PLA2G12B: variants seen among roughly 807,000 people sequenced by gnomAD.
The protein encoded by PLA2G12B is phospholipase A2 group XIIB.
Under a neutral mutation model 22.3 loss-of-function variants are expected in PLA2G12B, and 19 were observed. That is an observed-to-expected ratio of 0.85 (90% CI 0.60 to 1.25). The LOEUF (loss-of-function observed/expected upper bound fraction) is 1.25, where lower values mean the gene tolerates loss of function less well. Among genes scored for constraint, PLA2G12B ranks in the 50% most tolerant of loss-of-function variants. The pLI, the probability that PLA2G12B is intolerant of heterozygous loss-of-function variation, is 0.00. For missense variants in PLA2G12B, 191 were observed against 246.6 expected (o/e 0.77, Z 1.51); for synonymous variants, 81 against 94.9 (o/e 0.85, Z 0.85).
Position 72,954,701 on chromosome 10 carries a change from G to C in PLA2G12B, c.-16C>G. On this transcript the variant is annotated 5_prime_UTR_variant, in exon 1 of 4. Coordinates refer to ENST00000373032, the MANE Select transcript of PLA2G12B (RefSeq NM_032562.5). Reference sequence around the variant, plus strand: ...CCAGCTTCATCCTGCAGCCAGGTAGGTACTGGCTTCTCTCCTCAAACCCCA... The same window carrying C: ...CCAGCTTCATCCTGCAGCCAGGTAGCTACTGGCTTCTCTCCTCAAACCCCA... The C allele has an allele frequency of 6.2e-7, 1 of 1,612,906 alleles. No homozygotes were observed. The highest frequency in any genetic ancestry group is 1.1e-5 in the South Asian group (1 of 91,068).
At chr10:72,951,972 C>A (rs1846538667) in intron 1 of PLA2G12B, among the ~76,000 whole-genome samples, 1 of 152,162 alleles carries the variant, frequency 6.6e-6, no homozygotes, top group Admixed American at 6.6e-5. Flanking sequence ...CATAATTTAA[C>A]CTGTGGGCTG....
chr10:72,939,306 T>G (rs1419702741), intron 3 of PLA2G12B, among the ~76,000 whole-genome samples: 1 of 152,228 alleles, frequency 6.6e-6, no homozygotes, highest in Non-Finnish European at 1.5e-5. Context: ...CAGAAAGGAA[T>G]GGGCCATCAA....
rs189245347 is a variant in PLA2G12B, at chr10:72,943,421, C to T, written c.212-681G>A. ...AAGCAGAACACAACTTGATCGTACACTTAAGGAATCCGAATTGTAGCAGCA... is the reference window on the plus strand; with the variant it reads ...AAGCAGAACACAACTTGATCGTACATTTAAGGAATCCGAATTGTAGCAGCA... On this transcript the variant is annotated intron_variant, in intron 1 of 3. Transcript: ENST00000373032. Among the ~76,000 whole-genome samples, 313 of 152,292 alleles carry T rather than the reference C, an allele frequency of 2.1e-3. 1 individual carries two copies. Among genetic ancestry groups the T allele is most frequent in the East Asian group, 3.7e-3 (19 of 5,178 alleles).
At chr10:72,936,340 G>A (rs1288694085) in intron 3 of PLA2G12B, among the ~76,000 whole-genome samples, 1 of 152,140 alleles carries the variant, frequency 6.6e-6, no homozygotes, top group Non-Finnish European at 1.5e-5. Flanking sequence ...CACAGAAAGG[G>A]TCTCTATCCC....
rs1313431583 is a variant in PLA2G12B, at chr10:72,935,553, A to C, written c.*64T>G. 16 of 1,597,736 alleles carry C rather than the reference A, an allele frequency of 1.0e-5. No individual in the cohort carries two copies. Among genetic ancestry groups the C allele is most frequent in the Non-Finnish European group, 1.4e-5 (16 of 1,170,712 alleles). ...ACGAATGAGTCACGCTGACTCGAAG[A>C]CTTGACATCTTGAAGGCTGACAGCT... On this transcript the variant is annotated 3_prime_UTR_variant, in exon 4 of 4. Coordinates refer to ENST00000373032, the MANE Select transcript of PLA2G12B (RefSeq NM_032562.5).
At position 72,944,560 on chromosome 10, in the gene PLA2G12B, C is replaced by T. The variant is rs186716854; in HGVS notation, c.212-1820G>A. 2.0e-5 allele frequency among the ~76,000 whole-genome samples: 3 copies of T among 152,192 alleles called. No homozygotes were observed. In the East Asian group the frequency reaches 5.8e-4, roughly 29 times the overall value. On this transcript the variant is annotated intron_variant, in intron 1 of 3. Transcript: ENST00000373032. ...GCCTTTCTTAGGATACTCAGTCTTC[C>T]CAAATATGGACACGGTATAGTTCTC...
At chr10:72,940,938 G>A (rs749289768) in intron 3 of PLA2G12B, among the ~76,000 whole-genome samples, 66 of 152,294 alleles carry the variant, frequency 4.3e-4, no homozygotes, top group Admixed American at 1.4e-3. Context: ...CTTTGGTGTA[G>A]TCTTTTACCT....
chr10:72,944,535 G>A (rs1248433051), intron 1 of PLA2G12B, among the ~76,000 whole-genome samples: 1 of 152,128 alleles, frequency 6.6e-6, no homozygotes, highest in Non-Finnish European at 1.5e-5. Flanking sequence ...GGAGACAACT[G>A]CCTTTCTTAG....
At chr10:72,949,747 CA>C (rs1232864948) in intron 1 of PLA2G12B, among the ~76,000 whole-genome samples, 1 of 152,102 alleles carries the variant, frequency 6.6e-6, no homozygotes, top group Non-Finnish European at 1.5e-5. Context: ...GGAGGCCCAG[CA>C]GGGGGATCAC....
intron 1 of PLA2G12B, among the ~76,000 whole-genome samples, chr10:72,949,688 A>G (rs548701768): frequency 6.6e-6 from 1 of 152,310 alleles, no homozygotes; most frequent in South Asian, 2.1e-4. Context: ...AAAATAAAAT[A>G]ATTTCCAGGC....
At chr10:72,949,786 G>A (rs973682297) in intron 1 of PLA2G12B, among the ~76,000 whole-genome samples, 1 of 152,160 alleles carries the variant, frequency 6.6e-6, no homozygotes, top group Admixed American at 6.6e-5. Context: ...AGACCAGCCT[G>A]GCCAACATGG....
In PLA2G12B at chr10:72,942,663, C is replaced by A; in HGVS notation, c.289G>T (p.Val97Leu). 3 of 1,604,608 alleles carry A rather than the reference C, an allele frequency of 1.9e-6. No individual in the cohort carries two copies. Among genetic ancestry groups the A allele is most frequent in the Middle Eastern group, 3.6e-4 (2 of 5,530 alleles). Residue 97 changes from valine (V) to leucine (L), a missense_variant, in exon 2 of 4, where the codon GTA (valine) becomes TTA (leucine). Transcript: ENST00000373032. ...CTGGCAGTACATACACTTTCTGGTACCTTGAGACCCAGGAAATAGGAGCCG... is the reference window on the plus strand; with the variant it reads ...CTGGCAGTACATACACTTTCTGGTAACTTGAGACCCAGGAAATAGGAGCCG... ...GCGSYFLGLK[V>L]PESMDLGIPA...
At chr10:72,946,563 C>A (rs1047392286) in intron 1 of PLA2G12B, among the ~76,000 whole-genome samples, 7 of 152,196 alleles carry the variant, frequency 4.6e-5, no homozygotes, top group Non-Finnish European at 8.8e-5. Context: ...AGCAGCAATG[C>A]GTGAGGGTTC....
intron 1 of PLA2G12B, among the ~76,000 whole-genome samples, chr10:72,949,836 C>T (rs1282460985): frequency 1.3e-5 from 2 of 152,034 alleles, no homozygotes; most frequent in Non-Finnish European, 2.9e-5. Flanking sequence ...AGTAACTAGG[C>T]GTGGTGGCGC....
chr10:72,954,201 A>G, intron 1 of PLA2G12B, among the ~76,000 whole-genome samples: 1 of 152,204 alleles, frequency 6.6e-6, no homozygotes, highest in Admixed American at 6.5e-5. Flanking sequence ...GATACAATAC[A>G]GGAAGCTCAG....
intron 1 of PLA2G12B, among the ~76,000 whole-genome samples, chr10:72,949,629 T>C (rs1278565683): frequency 6.6e-6 from 1 of 152,186 alleles, no homozygotes; most frequent in African/African-American, 2.4e-5. Context: ...ACTAAACTAT[T>C]ATAGGCATGG....
chr10:72,937,473 AG>A (rs547881232), intron 3 of PLA2G12B, among the ~76,000 whole-genome samples: 46 of 152,346 alleles, frequency 3.0e-4, no homozygotes, highest in African/African-American at 1.1e-3. Context: ...AAACATTTAA[AG>A]AATTAATATC....
intron 2 of PLA2G12B, among the ~76,000 whole-genome samples, chr10:72,942,149 GGTGTGTGTGTGTGTGTGTGT>G (rs34740594): frequency 0.063 from 8,569 of 136,030 alleles, 777 homozygotes; most frequent in African/African-American, 0.2. Context: ...CAGGGCGTCG[GGTGTGTGTGTGTGTGTGTGT>G]GTGTGTGTGT....
At chr10:72,951,820 A>C (rs1846536122) in intron 1 of PLA2G12B, among the ~76,000 whole-genome samples, 1 of 152,154 alleles carries the variant, frequency 6.6e-6, no homozygotes, top group African/African-American at 2.4e-5. Context: ...GGATCTTGTC[A>C]TATTTATAGC....
Sources: allele counts gnomAD v4.1 joint callset (sites outside exome capture counted in the v4.1 genomes callset), GRCh38; gene constraint gnomAD v4.1.1; transcripts MANE v1.5; gene names NCBI Gene and HGNC (gene_info 2026-07-23, HGNC 2026-07-21).